SYTL2: variants seen among roughly 807,000 people sequenced by gnomAD.
SYTL2 encodes the protein synaptotagmin like 2.
SYTL2 carries 165 observed loss-of-function variants against 198.7 expected under a neutral mutation model. The observed-to-expected ratio is 0.83, with a 90% confidence interval of 0.73 to 0.94. The LOEUF (loss-of-function observed/expected upper bound fraction) is 0.94. Among genes scored for constraint, SYTL2 ranks in the 40% least tolerant of loss-of-function variants. SYTL2 has a pLI of 0.00. For synonymous variants in SYTL2, 966 were observed against 917.7 expected, an observed-to-expected ratio of 1.05 and a Z score of -0.95; for missense variants, 2,835 against 2,582.8, an observed-to-expected ratio of 1.10 and a Z score of -2.12.
chr11:85,704,145 AT>A (rs1466715199), intron 16 of SYTL2, among the ~76,000 whole-genome samples: 3 of 152,136 alleles, frequency 2.0e-5, no homozygotes, highest in African/African-American at 7.2e-5. Context: ...ACTATTGCTT[AT>A]AAAAATATAT....
chr11:85,808,451 T>C (rs563438034), intron 1 of SYTL2, among the ~76,000 whole-genome samples: 1 of 152,284 alleles, frequency 6.6e-6, no homozygotes, highest in Admixed American at 6.5e-5. Context: ...ATAAAGGATA[T>C]TTTTATTTTT....
At chr11:85,730,709 C>A (rs1168464104) in intron 7 of SYTL2, among the ~76,000 whole-genome samples, 1 of 152,142 alleles carries the variant, frequency 6.6e-6, no homozygotes, top group Admixed American at 6.5e-5. Flanking sequence ...TCTCTCACCA[C>A]TCCTATTCAA....
At chr11:85,846,067 C>A in the SYTL2 span, among the ~76,000 whole-genome samples, 4 of 152,186 alleles carry the variant, frequency 2.6e-5, no homozygotes, top group African/African-American at 9.7e-5. Context: ...GATGGGCCAG[C>A]TGGGACAGTC....
intron 3 of SYTL2, among the ~76,000 whole-genome samples, chr11:85,747,293 A>T (rs1406306587): frequency 4.4e-5 from 1 of 22,580 alleles, no homozygotes; most frequent in African/African-American, 1.3e-4. Context: ...TATGTCTATT[A>T]AAAAAAAAAA....
At chr11:85,778,696 TG>T (rs2153596366) in intron 1 of SYTL2, among the ~76,000 whole-genome samples, 1 of 152,210 alleles carries the variant, frequency 6.6e-6, no homozygotes, top group East Asian at 1.9e-4. Context: ...AAAATAAGGC[TG>T]GGCGTGCAGT....
intron 1 of SYTL2, among the ~76,000 whole-genome samples, chr11:85,794,779 A>C (rs553117110): frequency 8.5e-5 from 13 of 152,368 alleles, no homozygotes; most frequent in African/African-American, 3.1e-4. Context: ...TCTTTCTGAA[A>C]AGAAAAGTTC....
At chr11:85,789,344 A>ATATATATATATG (rs2092689158) in intron 1 of SYTL2, among the ~76,000 whole-genome samples, 3 of 18,660 alleles carry the variant, frequency 1.6e-4, no homozygotes, top group African/African-American at 2.8e-4. Flanking sequence ...GTGTGTGTAT[A>ATATATATATATG]TATATATATA....
chr11:85,780,287 T>C (rs1402378091), intron 1 of SYTL2, among the ~76,000 whole-genome samples: 1 of 152,250 alleles, frequency 6.6e-6, no homozygotes, highest in East Asian at 1.9e-4. Context: ...AATATCTTTG[T>C]TCTCTTTTCC....
intron 1 of SYTL2, among the ~76,000 whole-genome samples, chr11:85,788,235 A>G (rs1240447171): frequency 6.6e-6 from 1 of 152,204 alleles, no homozygotes; most frequent in Non-Finnish European, 1.5e-5. Flanking sequence ...TAAGGTAATA[A>G]TGATACTGAG....
At chr11:85,788,678 CTT>C (rs1220116521) in intron 1 of SYTL2, among the ~76,000 whole-genome samples, 1 of 151,996 alleles carries the variant, frequency 6.6e-6, no homozygotes, top group East Asian at 1.9e-4. Flanking sequence ...TTCCCTTCCT[CTT>C]TGTCAATAGC....
Position 85,771,792 on chromosome 11 carries a change from T to C in SYTL2, c.-389-13678A>G, listed in dbSNP as rs540738332. 3.3e-5 allele frequency among the ~76,000 whole-genome samples: 5 copies of C among 152,284 alleles called. No homozygotes were observed. The South Asian group carries it at 8.3e-4, about 25-fold the overall frequency. Reference sequence around the variant, plus strand: ...AGCCTTAGTTTGCTCATCTCTAAAATTGAGACTAACCACTGCCTACCCTCT... The same window carrying C: ...AGCCTTAGTTTGCTCATCTCTAAAACTGAGACTAACCACTGCCTACCCTCT... On this transcript the variant is annotated intron_variant, in intron 1 of 19. Transcript: ENST00000359152.
rs541185335 is a variant in SYTL2 at position 85,759,225 on chromosome 11, G to T, written c.-389-1111C>A. On this transcript the variant is annotated intron_variant, in intron 1 of 19. Coordinates refer to ENST00000359152, the MANE Select transcript of SYTL2 (RefSeq NM_206927.4). ...CACACCACTGCACTCCAGCCTGGGT[G>T]ACAGAGTGAGACTCCTTATCAAAAA... is the stretch of plus-strand genomic sequence containing the variant. Among the ~76,000 whole-genome samples the T allele has an allele frequency of 2.4e-4, 34 of 138,980 alleles. No individual in the cohort carries two copies. In the South Asian group the frequency reaches 7.2e-3, roughly 29 times the overall value. The allele number at this position is 138,980 out of a possible 152,430, so 91.2% of individuals were successfully genotyped here. A position where few individuals can be genotyped will look rare whatever the true frequency, so the allele number is the denominator to read the frequency against.
At chr11:85,716,841 C>G (rs1043428825) in intron 11 of SYTL2, among the ~76,000 whole-genome samples, 1 of 151,926 alleles carries the variant, frequency 6.6e-6, no homozygotes, top group African/African-American at 2.4e-5. Flanking sequence ...CAGAAAAGAT[C>G]GAACAAACAT....
rs375799489 is a variant in SYTL2, at chr11:85,732,691, A to G, written c.1390+1248T>C. Among the ~76,000 whole-genome samples the G allele has an allele frequency of 2.8e-4, 42 of 152,324 alleles. No individual in the cohort carries two copies. In the East Asian group the frequency reaches 5.6e-3, roughly 20 times the overall value. The stretch of plus-strand genomic sequence containing the variant: ...AAACCACCATGGCATGTGTATACCT[A>G]TGTAACAAACCTGCACGTTCTTCAC... On this transcript the variant is annotated intron_variant, in intron 7 of 19. Coordinates refer to ENST00000359152, the MANE Select transcript of SYTL2 (RefSeq NM_206927.4).
At chr11:85,784,197 C>T (rs2092603167) in intron 1 of SYTL2, among the ~76,000 whole-genome samples, 1 of 152,122 alleles carries the variant, frequency 6.6e-6, no homozygotes, top group South Asian at 2.1e-4. Flanking sequence ...AGCAGCATTT[C>T]CCCCAGGAAA....
chr11:85,714,710 G>T, intron 11 of SYTL2: 1 of 1,243,704 alleles, frequency 8.0e-7, no homozygotes, highest in East Asian at 3.5e-5. Context: ...AACTAGCAAG[G>T]AGTTGAACCA....
chr11:85,797,164 G>A (rs2092815846), intron 1 of SYTL2, among the ~76,000 whole-genome samples: 1 of 152,144 alleles, frequency 6.6e-6, no homozygotes, highest in South Asian at 2.1e-4. Context: ...AGCTCAAACC[G>A]ACCATATTAC....
chr11:85,849,933 C>T, the SYTL2 span, among the ~76,000 whole-genome samples: 4,164 of 133,570 alleles, frequency 0.031, 90 homozygotes, highest in Middle Eastern at 0.052. Flanking sequence ...GGAATGTTCT[C>T]CCATTTGTTT....
chr11:85,718,592 T>A (rs949292817), intron 10 of SYTL2, 198 bp downstream of exon 10: 14 of 589,326 alleles, frequency 2.4e-5, no homozygotes, highest in Non-Finnish European at 4.2e-5. Flanking sequence ...CATGACAGTA[T>A]CACCAGAAGA....
Sources: allele counts gnomAD v4.1 joint callset (sites outside exome capture counted in the v4.1 genomes callset), GRCh38; gene constraint gnomAD v4.1.1; transcripts MANE v1.5; gene names NCBI Gene and HGNC (gene_info 2026-07-23, HGNC 2026-07-21).